ULK2: variants seen among roughly 807,000 people sequenced by gnomAD.
The protein encoded by ULK2 is serine/threonine-protein kinase ULK2.
A neutral mutation model predicts 127.5 loss-of-function variants in ULK2; 76 were observed. The ratio of observed to expected loss-of-function variants is 0.60; its 90% confidence interval spans 0.50 to 0.72. ULK2 has a LOEUF of 0.72. ULK2 is among the 30% of genes least tolerant of loss of function. The pLI is 0.00. For synonymous variants in ULK2, 452 were observed against 461.9 expected (o/e 0.98, Z 0.28); for missense variants, 1,144 against 1,295.9 (o/e 0.88, Z 1.80).
chr17:19,804,921 CA>C, intron 14 of ULK2, 91 bp from the exon 15 acceptor site: 1 of 1,432,814 alleles, frequency 7.0e-7, no homozygotes, highest in South Asian at 1.6e-5. Flanking sequence ...GAGAAAATTC[CA>C]GAAAGAGCCA....
intron 20 of ULK2, among the ~76,000 whole-genome samples, chr17:19,788,756 C>G (rs1173972309): frequency 1.3e-5 from 2 of 152,140 alleles, no homozygotes; most frequent in East Asian, 3.9e-4. Flanking sequence ...CACATGCTGA[C>G]TGAAGAGCCC....
chr17:19,849,381 C>G lies in ULK2; in HGVS notation c.283G>C (p.Asp95His). ...MEYCNGGDLA[D>H]YLQAKGTLSE... is the part of the protein sequence containing the mutation. ...CATACACAGTTACCTTGCAAATAAT[C>G]TGCGAGGTCTCCACCATTGCAATAC... Residue 95 changes from aspartate (D) to histidine (H), a missense_variant, in exon 5 of 27, where the codon GAT (aspartate) becomes CAT (histidine). By Grantham distance (81) the Asp-to-His change is moderately conservative. Transcript: ENST00000395544. 1 of 1,608,878 alleles carries G rather than the reference C, an allele frequency of 6.2e-7. No individual in the cohort carries two copies. Among genetic ancestry groups the G allele is most frequent in the Non-Finnish European group, 8.5e-7 (1 of 1,177,010 alleles).
intron 6 of ULK2, among the ~76,000 whole-genome samples, chr17:19,846,004 G>A (rs113224378): frequency 3.6e-4 from 55 of 152,012 alleles, no homozygotes; most frequent in African/African-American, 1.3e-3. Context: ...AGCTACTTGC[G>A]CATCCCAGCT....
At position 19,773,640 on chromosome 17, in the gene ULK2, C is replaced by A. The variant is rs544704171; in HGVS notation, c.*2709G>T. The A allele has an allele frequency of 2.0e-5, 3 of 152,232 alleles. No homozygotes were observed. Among genetic ancestry groups the A allele is most frequent in the African/African-American group, 7.2e-5 (3 of 41,448 alleles). The allele number at this position is 152,232 out of a possible 1,614,324, so 9.4% of individuals were successfully genotyped here. A position where few individuals can be genotyped will look rare whatever the true frequency, so the allele number is the denominator to read the frequency against. ...CTGAGTGGAGAGGAGAAAGCCTCAG[C>A]AGAGAGGCGAGCTGGAGGGAGGGAT... On this transcript the variant is annotated 3_prime_UTR_variant, in exon 27 of 27. Coordinates refer to ENST00000395544, the MANE Select transcript of ULK2 (RefSeq NM_014683.4).
intron 5 of ULK2, among the ~76,000 whole-genome samples, chr17:19,847,391 G>T (rs1015969944): frequency 6.6e-6 from 1 of 152,226 alleles, no homozygotes. Flanking sequence ...TGCCTGTGAG[G>T]CATCTGTGTT....
intron 20 of ULK2, among the ~76,000 whole-genome samples, chr17:19,790,930 C>T (rs1409377495): frequency 1.3e-5 from 2 of 151,906 alleles, no homozygotes; most frequent in African/African-American, 2.4e-5. Flanking sequence ...TATATAATGA[C>T]GAAGGGGTCA....
intron 24 of ULK2, 58 bp from the exon 25 acceptor site, chr17:19,780,687 G>A: frequency 1.3e-6 from 2 of 1,505,722 alleles, no homozygotes; most frequent in Non-Finnish European, 9.0e-7. Flanking sequence ...TAAAGACACA[G>A]TTATATGTAT....
Position 19,773,992 on chromosome 17 carries a change from A to G in ULK2, c.*2357T>C, listed in dbSNP as rs577335723. The G allele has an allele frequency of 7.0e-6, 1 of 142,210 alleles. No individual in the cohort carries two copies. The highest frequency in any genetic ancestry group is 1.6e-5 in the Non-Finnish European group (1 of 62,886). The allele number at this position is 142,210 out of a possible 1,614,324, so 8.8% of individuals were successfully genotyped here. A position where few individuals can be genotyped will look rare whatever the true frequency, so the allele number is the denominator to read the frequency against. ...TATATACAGCATAGGCTCTCTCTCT[A>G]TATATAGTCCAGTGGAGGGTATAGT... On this transcript the variant is annotated 3_prime_UTR_variant, in exon 27 of 27. Transcript: ENST00000395544.
chr17:19,858,694 G>A (rs1022431737), intron 3 of ULK2, among the ~76,000 whole-genome samples: 3 of 152,164 alleles, frequency 2.0e-5, no homozygotes, highest in African/African-American at 4.8e-5. Context: ...TACCAGCTGG[G>A]CGCAGTGGCT....
chr17:19,859,255 T>C (rs1334852759), intron 3 of ULK2, among the ~76,000 whole-genome samples: 2 of 152,210 alleles, frequency 1.3e-5, no homozygotes, highest in Non-Finnish European at 2.9e-5. Context: ...GGCTCAGGCC[T>C]GTAATCCCAG....
At chr17:19,820,667 T>C (rs2041118429) in intron 12 of ULK2, among the ~76,000 whole-genome samples, 1 of 152,260 alleles carries the variant, frequency 6.6e-6, no homozygotes, top group African/African-American at 2.4e-5. Context: ...CATGGAGAGC[T>C]AGAGTTCCTT....
At chr17:19,822,812 G>A (rs890300546) in intron 12 of ULK2, among the ~76,000 whole-genome samples, 8 of 151,858 alleles carry the variant, frequency 5.3e-5, no homozygotes, top group Admixed American at 1.3e-4. Flanking sequence ...TCAGCCTCTC[G>A]AGTAGGTGGG....
intron 14 of ULK2, among the ~76,000 whole-genome samples, chr17:19,808,878 A>C (rs572808021): frequency 1.3e-5 from 2 of 152,354 alleles, no homozygotes; most frequent in East Asian, 3.9e-4. Context: ...TCCTGAAAAA[A>C]GTAAACACAA....
chr17:19,792,903 A>C (rs962601723), intron 20 of ULK2, among the ~76,000 whole-genome samples: 2 of 152,244 alleles, frequency 1.3e-5, no homozygotes, highest in African/African-American at 4.8e-5. Flanking sequence ...AAGCTACAGT[A>C]ATCAAGGCAG....
rs199633631 is a variant in ULK2, at chr17:19,837,099, G to GAA, written c.787+1400_787+1401dup. On this transcript the variant is annotated intron_variant, in intron 10 of 26. Coordinates refer to ENST00000395544, the MANE Select transcript of ULK2 (RefSeq NM_014683.4). ...GAGTGAGGCCTTTTCTCTAATAAAA[G>GAA]AAAAAAAAAAAACAAAAGAATCTAT... Among the ~76,000 whole-genome samples the GAA allele has an allele frequency of 4.7e-3, 624 of 131,758 alleles. 3 individuals carry two copies. The highest frequency in any genetic ancestry group is 0.017 in the African/African-American group (597 of 36,076). 86.4% of individuals were successfully genotyped at this position (131,758 alleles called of 152,430 possible). A position where few individuals can be genotyped will look rare whatever the true frequency, so the allele number is the denominator to read the frequency against.
intron 26 of ULK2, among the ~76,000 whole-genome samples, chr17:19,776,877 A>G (rs1046490381): frequency 1.3e-5 from 2 of 152,220 alleles, no homozygotes; most frequent in African/African-American, 4.8e-5. Context: ...TAATAAAACT[A>G]AAGTCCTCCT....
chr17:19,779,799 G>A (rs2086881775), intron 25 of ULK2, among the ~76,000 whole-genome samples: 1 of 152,108 alleles, frequency 6.6e-6, no homozygotes, highest in Non-Finnish European at 1.5e-5. Flanking sequence ...TTTTTCCTAA[G>A]AGTTTTATCA....
At chr17:19,866,317 T>C (rs2042349873) in intron 1 of ULK2, among the ~76,000 whole-genome samples, 1 of 151,060 alleles carries the variant, frequency 6.6e-6, no homozygotes, top group South Asian at 2.1e-4. Flanking sequence ...CTGGCCAACG[T>C]GGTGAAACCC....
intron 8 of ULK2, 44 bp downstream of exon 8, chr17:19,843,077 G>A: frequency 6.9e-7 from 1 of 1,440,134 alleles, no homozygotes; most frequent in Non-Finnish European, 9.8e-7. Context: ...ACTATAAAAT[G>A]ACAAGATCCC....
Sources: allele counts gnomAD v4.1 joint callset (sites outside exome capture counted in the v4.1 genomes callset), GRCh38; gene constraint gnomAD v4.1.1; transcripts MANE v1.5; gene names NCBI Gene and HGNC (gene_info 2026-07-23, HGNC 2026-07-21).